KCNN2: variants seen among roughly 807,000 people sequenced by gnomAD.
KCNN2 encodes the protein small conductance calcium-activated potassium channel protein 2.
Under a neutral mutation model 55.5 loss-of-function variants are expected in KCNN2, and 24 were observed. The ratio of observed to expected loss-of-function variants is 0.43; its 90% CI spans 0.31 to 0.61. The LOEUF (loss-of-function observed/expected upper bound fraction) is 0.61, where lower values mean the gene tolerates loss of function less well. KCNN2 is among the 20% of genes least tolerant of loss of function. The pLI, the probability that KCNN2 is intolerant of heterozygous loss-of-function variation, is 0.08. For missense variants in KCNN2, 754 were observed against 853.6 expected, an observed-to-expected ratio of 0.88 and a Z score of 1.45; for synonymous variants, 431 against 336.1, an observed-to-expected ratio of 1.28 and a Z score of -3.09.
At chr5:114,096,604 A>T (rs1751260118) in intron 1 of KCNN2, among the ~76,000 whole-genome samples, 1 of 152,060 alleles carries the variant, frequency 6.6e-6, no homozygotes, top group African/African-American at 2.4e-5. Flanking sequence ...CCTCCCACAG[A>T]TGTGGGAAAT....
intron 1 of KCNN2, among the ~76,000 whole-genome samples, chr5:114,061,896 G>A (rs1750339488): frequency 1.3e-5 from 2 of 152,144 alleles, no homozygotes; most frequent in African/African-American, 4.8e-5. Flanking sequence ...TACGAAGCTT[G>A]TCCAGTCAAC....
intron 3 of KCNN2, among the ~76,000 whole-genome samples, chr5:114,446,226 T>C (rs1760401809): frequency 6.6e-6 from 1 of 152,194 alleles, no homozygotes; most frequent in Admixed American, 6.5e-5. Context: ...CAGAAGCGCA[T>C]AGAATACTGT....
chr5:114,320,672 C>T (rs1462575672), intron 2 of KCNN2, among the ~76,000 whole-genome samples: 4 of 151,906 alleles, frequency 2.6e-5, no homozygotes, highest in African/African-American at 9.7e-5. Flanking sequence ...CCAGATCTGG[C>T]CCAACTAGTG....
At chr5:114,079,286 A>C (rs992332618) in intron 1 of KCNN2, among the ~76,000 whole-genome samples, 12 of 152,222 alleles carry the variant, frequency 7.9e-5, no homozygotes, top group African/African-American at 2.9e-4. Context: ...CTTTGAATCC[A>C]AAGTTAGTCA....
intron 2 of KCNN2, among the ~76,000 whole-genome samples, chr5:114,379,220 G>A (rs990465486): frequency 1.3e-5 from 2 of 151,794 alleles, no homozygotes; most frequent in Middle Eastern, 3.4e-3. Flanking sequence ...GAAGACCCTC[G>A]CCATCCGTTT....
intron 2 of KCNN2, among the ~76,000 whole-genome samples, chr5:114,318,593 G>T: frequency 6.6e-6 from 1 of 150,616 alleles, no homozygotes. Context: ...TATTATATAA[G>T]AATACATAAT....
At chr5:114,073,213 A>G (rs1017980181) in intron 1 of KCNN2, among the ~76,000 whole-genome samples, 2 of 152,198 alleles carry the variant, frequency 1.3e-5, no homozygotes, top group Non-Finnish European at 2.9e-5. Flanking sequence ...TGTGCCCTAG[A>G]GATTTAGACT....
intron 2 of KCNN2, among the ~76,000 whole-genome samples, chr5:114,348,640 T>C (rs1209569495): frequency 6.6e-6 from 1 of 152,094 alleles, no homozygotes; most frequent in East Asian, 1.9e-4. Context: ...AAATTCCTAT[T>C]AGGACATTCA....
At chr5:114,414,249 T>C (rs168090) in intron 3 of KCNN2, among the ~76,000 whole-genome samples, 73,153 of 152,056 alleles carry the variant, frequency 0.48, 19,688 homozygotes, top group African/African-American at 0.73. Flanking sequence ...TGAGCTTCGA[T>C]GGATCTGCCT....
intron 3 of KCNN2, among the ~76,000 whole-genome samples, chr5:114,418,911 G>C (rs188764782): frequency 9.7e-4 from 147 of 152,296 alleles, no homozygotes; most frequent in African/African-American, 3.4e-3. Context: ...AAAGGATCAT[G>C]AGTTTTAAAC....
intron 1 of KCNN2, among the ~76,000 whole-genome samples, chr5:114,158,629 C>T (rs983356219): frequency 4.0e-5 from 6 of 151,734 alleles, no homozygotes; most frequent in African/African-American, 1.2e-4. Flanking sequence ...TTCTTCCTAC[C>T]CATGAGCATG....
At chr5:114,323,893 C>T (rs915813992) in intron 2 of KCNN2, among the ~76,000 whole-genome samples, 14 of 151,858 alleles carry the variant, frequency 9.2e-5, no homozygotes, top group African/African-American at 1.2e-4. Context: ...ATGATATGCC[C>T]GCCTTGGCCT....
chr5:114,107,288 T>TA (rs1042088782), intron 1 of KCNN2, among the ~76,000 whole-genome samples: 1 of 152,020 alleles, frequency 6.6e-6, no homozygotes, highest in Non-Finnish European at 1.5e-5. Context: ...GTGTTTTTTT[T>TA]ACTATATTTT....
intron 2 of KCNN2, among the ~76,000 whole-genome samples, chr5:114,255,763 G>A (rs1754969624): frequency 6.6e-6 from 1 of 152,138 alleles, no homozygotes; most frequent in South Asian, 2.1e-4. Context: ...AGGATTTGTA[G>A]GGCATGGGAA....
rs184154088 is a variant in KCNN2, at chr5:114,105,493, T to C, written c.-271+48993T>C. ...GTCAAACAAAATTGAATTGATAAAA[T>C]GATAAATTGACATGAGTCGATCTTA... On this transcript the variant is annotated intron_variant, in intron 1 of 10. Transcript: ENST00000512097. Among the ~76,000 whole-genome samples the C allele has an allele frequency of 1.2e-3, 176 of 152,208 alleles. 1 individual carries two copies. The highest frequency in any genetic ancestry group is 0.01 in the Middle Eastern group (3 of 294).
At chr5:114,110,923 A>AT in intron 1 of KCNN2, among the ~76,000 whole-genome samples, 1 of 152,168 alleles carries the variant, frequency 6.6e-6, no homozygotes, top group East Asian at 1.9e-4. Context: ...AAAAATGCAC[A>AT]TTATTCCTAC....
At chr5:114,221,299 C>T (rs1321174299) in intron 1 of KCNN2, among the ~76,000 whole-genome samples, 1 of 152,028 alleles carries the variant, frequency 6.6e-6, no homozygotes, top group Non-Finnish European at 1.5e-5. Flanking sequence ...TACAAAATAG[C>T]AATAATTAAG....
Position 114,306,735 on chromosome 5 carries a change from C to G in KCNN2, c.-184-54210C>G, listed in dbSNP as rs1756284946. 3.7e-5 allele frequency among the ~76,000 whole-genome samples: 5 copies of G among 136,102 alleles called. No homozygotes were observed. In the Admixed American group the frequency reaches 4.0e-4, roughly 11 times the overall value. The allele number at this position is 136,102 out of a possible 152,430, so 89.3% of individuals were successfully genotyped here. The stretch of plus-strand genomic sequence containing the variant: ...TTTTTTTTTGAGACCAAGTCTCGCT[C>G]TGTCACCCAGGCTGGAGTGCAGTGG... On this transcript the variant is annotated intron_variant, in intron 2 of 10. Transcript: ENST00000512097.
chr5:114,252,560 G>A (rs919693024), intron 2 of KCNN2, among the ~76,000 whole-genome samples: 3 of 151,888 alleles, frequency 2.0e-5, no homozygotes, highest in Admixed American at 6.6e-5. Flanking sequence ...AGAGCAATGA[G>A]GCCCTTAGTT....
Sources: gnomAD v4.1 joint callset for allele counts (sites outside exome capture counted in the v4.1 genomes callset) on GRCh38, gnomAD v4.1.1 for gene constraint, MANE v1.5 for transcripts, NCBI Gene and HGNC (gene_info 2026-07-23, HGNC 2026-07-21) for gene names.